Variants in EXTL3 observed in about 807,000 individuals in gnomAD.
The protein encoded by EXTL3 is exostosin-like 3.
Under a neutral mutation model 69.3 loss-of-function variants are expected in EXTL3, and 27 were observed. That is an observed-to-expected ratio of 0.39 (90% confidence interval 0.29 to 0.54). The LOEUF (loss-of-function observed/expected upper bound fraction) is 0.54. Among genes scored for constraint, EXTL3 ranks in the 20% least tolerant of loss-of-function variants. EXTL3 has a pLI of 0.69. For missense variants in EXTL3, 1,003 were observed against 1,231.8 expected (o/e 0.81, Z 2.78); for synonymous variants, 511 against 499.4 (o/e 1.02, Z -0.31).
chr8:28,692,843 G>C (rs560534322), intron 1 of EXTL3, among the ~76,000 whole-genome samples: 1 of 152,258 alleles, frequency 6.6e-6, no homozygotes, highest in East Asian at 1.9e-4. Context: ...ATATAAATGT[G>C]ACACTGGAAC....
chr8:28,713,903 CTTT>C (rs55737430), intron 2 of EXTL3, among the ~76,000 whole-genome samples: 1 of 113,778 alleles, frequency 8.8e-6, no homozygotes, highest in South Asian at 3.0e-4. Context: ...TTCTTTCTTT[CTTT>C]TTTTTTTTTT....
upstream of EXTL3, chr8:28,701,371 C>T (rs915359482): frequency 6.6e-6 from 1 of 152,004 alleles, no homozygotes; most frequent in African/African-American, 2.4e-5. Flanking sequence ...CGGGTGTCAC[C>T]GCGGAGCTGC....
At chr8:28,701,778 C>T (rs1351961300) in intron 1 of EXTL3, 119 bp downstream of exon 1, 2 of 152,670 alleles carry the variant, frequency 1.3e-5, no homozygotes, top group Non-Finnish European at 2.9e-5. Flanking sequence ...CCGGGTCCGC[C>T]GTGCCCCGGG....
rs1295460397 is a variant in EXTL3, at chr8:28,751,964, G to T, written c.*1098G>T. The T allele has an allele frequency of 2.6e-5, 4 of 152,454 alleles. No individual in the cohort carries two copies. The highest frequency in any genetic ancestry group is 9.6e-5 in the African/African-American group (4 of 41,484). 9.4% of individuals were successfully genotyped at this position (152,454 alleles called of 1,614,324 possible). On this transcript the variant is annotated 3_prime_UTR_variant, in exon 7 of 7. Transcript: ENST00000220562. ...GGCTGGCCGGGAAGTTTTACAGCAA[G>T]GCGCCTGCCTTGGGATAATTCCTTG... is the stretch of plus-strand genomic sequence containing the variant.
At chr8:28,732,878 C>G (rs950195825) in intron 4 of EXTL3, among the ~76,000 whole-genome samples, 2 of 152,132 alleles carry the variant, frequency 1.3e-5, no homozygotes, top group African/African-American at 4.8e-5. Context: ...TATGGACCAC[C>G]ACCATGCCAA....
intron 1 of EXTL3, among the ~76,000 whole-genome samples, chr8:28,709,361 C>T (rs888480778): frequency 3.3e-5 from 5 of 152,070 alleles, no homozygotes; most frequent in African/African-American, 1.2e-4. Context: ...TATTAGAGGC[C>T]GTTGAAGGTT....
At chr8:28,641,384 T>G (rs78340941) in intron 1 of EXTL3, among the ~76,000 whole-genome samples, 3,530 of 152,332 alleles carry the variant, frequency 0.023, 113 homozygotes, top group African/African-American at 0.072. Flanking sequence ...TTTCTATAAG[T>G]TAAGGTTTGG....
chr8:28,718,247 A>G (rs1801210407), intron 3 of EXTL3, 40 bp downstream of exon 3: 1 of 1,585,720 alleles, frequency 6.3e-7, no homozygotes. Context: ...TGCATGAAAT[A>G]GTATTTCACT....
intron 1 of EXTL3, among the ~76,000 whole-genome samples, chr8:28,653,902 A>AT (rs1285653327): frequency 6.6e-6 from 1 of 152,024 alleles, no homozygotes; most frequent in Non-Finnish European, 1.5e-5. Context: ...TTAGAATGGG[A>AT]TTTTTCATTT....
At chr8:28,608,088 C>T (rs1051684196) in intron 2 of EXTL3, among the ~76,000 whole-genome samples, 5 of 147,342 alleles carry the variant, frequency 3.4e-5, no homozygotes, top group African/African-American at 1.0e-4. Flanking sequence ...CCAGCCTGGG[C>T]GACAGAGCGA....
chr8:28,610,528 G>A (rs577584205), intron 2 of EXTL3, among the ~76,000 whole-genome samples: 17 of 152,232 alleles, frequency 1.1e-4, no homozygotes, highest in Admixed American at 3.3e-4. Flanking sequence ...AGGCACTGAG[G>A]ACCGGCTCTG....
chr8:28,627,613 G>A (rs894883319), intron 1 of EXTL3, among the ~76,000 whole-genome samples: 19 of 152,188 alleles, frequency 1.2e-4, no homozygotes, highest in Admixed American at 3.3e-4. Context: ...ATTGTAAGCA[G>A]GGATTTGAAT....
At chr8:28,711,831 A>G (rs780114512) in intron 1 of EXTL3, among the ~76,000 whole-genome samples, 1 of 152,186 alleles carries the variant, frequency 6.6e-6, no homozygotes, top group African/African-American at 2.4e-5. Context: ...ATGGAACACT[A>G]AAAAAGCACA....
intron 5 of EXTL3, chr8:28,742,731 C>CTTTT: frequency 2.7e-5 from 7 of 260,236 alleles, no homozygotes; most frequent in Middle Eastern, 1.4e-3. Flanking sequence ...TCTCACTTAT[C>CTTTT]TTTTTTTTTT....
intron 1 of EXTL3, chr8:28,685,918 G>T (rs1363714510): frequency 6.6e-6 from 1 of 151,522 alleles, no homozygotes; most frequent in Non-Finnish European, 1.5e-5. Flanking sequence ...AAGCTGGAGT[G>T]CAGTGGCACC....
intron 1 of EXTL3, among the ~76,000 whole-genome samples, chr8:28,684,852 T>C (rs1038080295): frequency 3.9e-4 from 59 of 152,380 alleles, no homozygotes; most frequent in African/African-American, 1.3e-3. Flanking sequence ...AATTTTGCTA[T>C]ATTTTTTCTC....
intron 4 of EXTL3, among the ~76,000 whole-genome samples, 200 bp downstream of exon 4, chr8:28,731,550 G>A (rs1239438450): frequency 6.6e-6 from 1 of 152,186 alleles, no homozygotes; most frequent in Non-Finnish European, 1.5e-5. Flanking sequence ...TCCGCTCTGT[G>A]TTCCCACAGG....
At chr8:28,679,738 A>G (rs1253293529) in intron 1 of EXTL3, among the ~76,000 whole-genome samples, 1 of 152,056 alleles carries the variant, frequency 6.6e-6, no homozygotes, top group Non-Finnish European at 1.5e-5. Context: ...TTAAAAAAAA[A>G]AAAAAAAAGA....
At chr8:28,670,877 A>G (rs1031476951) in intron 1 of EXTL3, among the ~76,000 whole-genome samples, 1 of 152,128 alleles carries the variant, frequency 6.6e-6, no homozygotes, top group Non-Finnish European at 1.5e-5. Flanking sequence ...TCATTTTGGT[A>G]TTTGGGTAGT....
Sources: gnomAD v4.1 joint callset for allele counts (sites outside exome capture counted in the v4.1 genomes callset) on GRCh38, gnomAD v4.1.1 for gene constraint, MANE v1.5 for transcripts, NCBI Gene and HGNC (gene_info 2026-07-23, HGNC 2026-07-21) for gene names.